RPS6KC1: variants seen among roughly 807,000 people sequenced by gnomAD.
RPS6KC1 encodes ribosomal protein S6 kinase C1.
In RPS6KC1, 54 loss-of-function variants were observed where a neutral mutation model predicts 103.8. That is an observed-to-expected ratio of 0.52 (90% CI 0.42 to 0.65). The LOEUF (loss-of-function observed/expected upper bound fraction) is 0.65. Ranked by LOEUF, RPS6KC1 falls within the 30% of genes least tolerant of loss-of-function variation. The probability of loss-of-function intolerance (pLI) is 0.00; values close to 1 mark genes in which losing one functional copy is unlikely to be tolerated. For missense variants in RPS6KC1, 1,151 were observed against 1,253.8 expected, an observed-to-expected ratio of 0.92 and a Z score of 1.24; for synonymous variants, 439 against 438.7, an observed-to-expected ratio of 1.00 and a Z score of -0.01.
At chr1:213,584,054 T>C in the RPS6KC1 span, among the ~76,000 whole-genome samples, 1 of 152,038 alleles carries the variant, frequency 6.6e-6, no homozygotes, top group Non-Finnish European at 1.5e-5. Context: ...CATGGGGTGG[T>C]TTCCCCCATA....
At chr1:213,121,672 C>T (rs1179757496) in intron 5 of RPS6KC1, among the ~76,000 whole-genome samples, 1 of 151,314 alleles carries the variant, frequency 6.6e-6, no homozygotes, top group African/African-American at 2.4e-5. Flanking sequence ...TGCTTTGGTG[C>T]CATGCTGGCC....
intron 6 of RPS6KC1, among the ~76,000 whole-genome samples, chr1:213,135,741 T>C (rs1331694486): frequency 6.6e-6 from 1 of 152,200 alleles, no homozygotes. Flanking sequence ...GCATTCTGTT[T>C]TTTCCTTTCT....
chr1:213,595,337 G>A, the RPS6KC1 span, among the ~76,000 whole-genome samples: 2 of 152,132 alleles, frequency 1.3e-5, no homozygotes, highest in African/African-American at 4.8e-5. Flanking sequence ...ACCCATGTTG[G>A]GTTAATGACA....
At chr1:213,705,137 G>C in the RPS6KC1 span, among the ~76,000 whole-genome samples, 1 of 152,216 alleles carries the variant, frequency 6.6e-6, no homozygotes, top group Admixed American at 6.5e-5. Context: ...ACCAATGTTT[G>C]CTCAATGCCC....
the RPS6KC1 span, among the ~76,000 whole-genome samples, chr1:213,336,587 A>G: frequency 6.6e-6 from 1 of 152,328 alleles, no homozygotes; most frequent in South Asian, 2.1e-4. Context: ...TTGGCTCTTT[A>G]TATATTCATA....
chr1:213,076,736 A>G (rs1385444265), intron 2 of RPS6KC1, among the ~76,000 whole-genome samples: 1 of 152,180 alleles, frequency 6.6e-6, no homozygotes, highest in Non-Finnish European at 1.5e-5. Flanking sequence ...AAAATATACT[A>G]ATTTTAATGA....
chr1:213,786,924 C>T, the RPS6KC1 span, among the ~76,000 whole-genome samples: 1 of 152,142 alleles, frequency 6.6e-6, no homozygotes, highest in African/African-American at 2.4e-5. Flanking sequence ...AGAAGTAAGG[C>T]ATTTACTTAG....
chr1:213,551,391 GTACCTGGGTAATGTCTAAGTGC>G, the RPS6KC1 span, among the ~76,000 whole-genome samples: 2 of 152,266 alleles, frequency 1.3e-5, no homozygotes, highest in African/African-American at 4.8e-5. Flanking sequence ...CTCCACGGTG[GTACCTGGGTAATGTCTAAGTGC>G]TCGGGAACTT....
the RPS6KC1 span, among the ~76,000 whole-genome samples, chr1:213,587,378 C>T: frequency 6.6e-6 from 1 of 152,118 alleles, no homozygotes; most frequent in African/African-American, 2.4e-5. Context: ...GTTGGTCTTT[C>T]TAAACACTGG....
At chr1:213,230,579 A>G in intron 9 of RPS6KC1, 35 bp downstream of exon 9, 1 of 1,552,514 alleles carries the variant, frequency 6.4e-7, no homozygotes, top group Non-Finnish European at 8.8e-7. Flanking sequence ...CGGTGCCTAT[A>G]ATTCCAGCAC....
chr1:213,800,275 G>GGAA, the RPS6KC1 span, among the ~76,000 whole-genome samples: 7 of 152,302 alleles, frequency 4.6e-5, no homozygotes, highest in South Asian at 4.1e-4. Context: ...AGAAGAGGCA[G>GGAA]GAAGACCACA....
At chr1:213,149,906 T>C (rs2088442547) in intron 6 of RPS6KC1, among the ~76,000 whole-genome samples, 1 of 152,240 alleles carries the variant, frequency 6.6e-6, no homozygotes. Flanking sequence ...GTGACCTTGT[T>C]TGTCTCTTCT....
At chr1:213,774,114 T>C in the RPS6KC1 span, among the ~76,000 whole-genome samples, 8 of 152,344 alleles carry the variant, frequency 5.3e-5, 1 homozygote, top group East Asian at 1.5e-3. Flanking sequence ...TCCCTCTCAC[T>C]GGGTTTATCC....
chr1:213,340,190 T>G, the RPS6KC1 span, among the ~76,000 whole-genome samples: 2 of 152,198 alleles, frequency 1.3e-5, no homozygotes, highest in Non-Finnish European at 2.9e-5. Flanking sequence ...TGAGGCTGCC[T>G]GTTTTCATGA....
chr1:213,353,743 T>C, the RPS6KC1 span, among the ~76,000 whole-genome samples: 2 of 152,230 alleles, frequency 1.3e-5, no homozygotes, highest in African/African-American at 4.8e-5. Flanking sequence ...TAGCTTTCCA[T>C]CTTGTTGGGA....
At chr1:213,357,407 G>T in the RPS6KC1 span, among the ~76,000 whole-genome samples, 2 of 152,224 alleles carry the variant, frequency 1.3e-5, no homozygotes, top group African/African-American at 2.4e-5. Context: ...GTGAGAGGGG[G>T]TAAGGATGTT....
chr1:213,574,005 C>T, the RPS6KC1 span, among the ~76,000 whole-genome samples: 1 of 152,166 alleles, frequency 6.6e-6, no homozygotes. Flanking sequence ...CAAGCCCTGA[C>T]CCTGTGGCCC....
At chr1:213,574,171 G>A in the RPS6KC1 span, among the ~76,000 whole-genome samples, 1 of 152,226 alleles carries the variant, frequency 6.6e-6, no homozygotes, top group Non-Finnish European at 1.5e-5. Context: ...TTCTGGGGCA[G>A]TGCTGGCATC....
the RPS6KC1 span, among the ~76,000 whole-genome samples, chr1:213,595,357 T>C: frequency 6.6e-6 from 1 of 152,174 alleles, no homozygotes; most frequent in African/African-American, 2.4e-5. Context: ...AGTGATTTCC[T>C]CTTGTAGCCT....
Sources: gnomAD v4.1 joint callset for allele counts (sites outside exome capture counted in the v4.1 genomes callset) on GRCh38, gnomAD v4.1.1 for gene constraint, MANE v1.5 for transcripts, NCBI Gene and HGNC (gene_info 2026-07-23, HGNC 2026-07-21) for gene names.